RBMS1: variants seen among roughly 807,000 people sequenced by gnomAD.
RBMS1 encodes RNA-binding motif, single-stranded-interacting protein 1.
A neutral mutation model predicts 62.3 loss-of-function variants in RBMS1; 17 were observed. The observed-to-expected ratio is 0.27, with a 90% CI of 0.19 to 0.41. RBMS1 has a LOEUF of 0.41. RBMS1 is among the 10% of genes least tolerant of loss of function. RBMS1 has a pLI of 1.00. For missense variants in RBMS1, 334 were observed against 504.5 expected, an observed-to-expected ratio of 0.66 and a Z score of 3.24; for synonymous variants, 172 against 170.0, an observed-to-expected ratio of 1.01 and a Z score of -0.09.
intron 4 of RBMS1, among the ~76,000 whole-genome samples, chr2:160,308,641 T>A (rs1027304846): frequency 2.0e-5 from 3 of 152,066 alleles, no homozygotes; most frequent in Non-Finnish European, 2.9e-5. Flanking sequence ...CTAAAGAAAT[T>A]CACAATATGC....
chr2:160,459,833 G>A (rs1018638483), intron 1 of RBMS1, among the ~76,000 whole-genome samples: 1 of 152,118 alleles, frequency 6.6e-6, no homozygotes, highest in African/African-American at 2.4e-5. Flanking sequence ...CTTTCTAAGA[G>A]ATCAGTTCAT....
intron 1 of RBMS1, among the ~76,000 whole-genome samples, chr2:160,457,777 C>A (rs1460161103): frequency 6.6e-6 from 1 of 151,490 alleles, no homozygotes; most frequent in African/African-American, 2.4e-5. Flanking sequence ...CTAACAGGTG[C>A]CAGCTTGAAA....
At chr2:160,487,867 A>AT (rs1372703130) in intron 1 of RBMS1, among the ~76,000 whole-genome samples, 3 of 152,120 alleles carry the variant, frequency 2.0e-5, no homozygotes, top group South Asian at 2.1e-4. Context: ...TCAGATGTTG[A>AT]TTTTTTCTCT....
chr2:160,412,575 A>G (rs1696077066), intron 1 of RBMS1, among the ~76,000 whole-genome samples: 3 of 152,240 alleles, frequency 2.0e-5, no homozygotes, highest in Non-Finnish European at 2.9e-5. Flanking sequence ...CTAGGTGAGT[A>G]CTTGTAAACC....
chr2:160,364,250 T>C (rs79793936), intron 2 of RBMS1, among the ~76,000 whole-genome samples: 14,709 of 152,260 alleles, frequency 0.097, 980 homozygotes, highest in East Asian at 0.26. Context: ...ACTGTACTGA[T>C]ATCTTCTTTG....
intron 1 of RBMS1, among the ~76,000 whole-genome samples, chr2:160,421,091 C>T (rs1343018844): frequency 2.0e-5 from 3 of 152,120 alleles, no homozygotes; most frequent in East Asian, 3.9e-4. Context: ...TCCTTTTCCT[C>T]TTCAAGGTAC....
intron 1 of RBMS1, among the ~76,000 whole-genome samples, chr2:160,374,637 TA>T (rs376878650): frequency 1.4e-4 from 21 of 151,936 alleles, no homozygotes; most frequent in African/African-American, 4.1e-4. Flanking sequence ...ACAATAATAA[TA>T]AAAAAAATTG....
At chr2:160,439,091 C>T (rs1683265796) in intron 1 of RBMS1, among the ~76,000 whole-genome samples, 1 of 150,824 alleles carries the variant, frequency 6.6e-6, no homozygotes, top group Non-Finnish European at 1.5e-5. Flanking sequence ...GTAGGGGCGG[C>T]CGGGCAGAGG....
chr2:160,331,539 G>A (rs1048014564), intron 2 of RBMS1, among the ~76,000 whole-genome samples: 2 of 152,164 alleles, frequency 1.3e-5, no homozygotes, highest in East Asian at 1.9e-4. Flanking sequence ...CGTATATGAG[G>A]CCTCAGCATA....
chr2:160,322,329 A>C (rs1192024109), intron 2 of RBMS1, among the ~76,000 whole-genome samples: 1 of 152,232 alleles, frequency 6.6e-6, no homozygotes, highest in Admixed American at 6.5e-5. Flanking sequence ...AAGAAGGGTA[A>C]TGGAAGGTCT....
At position 160,389,741 on chromosome 2, in the gene RBMS1, T is replaced by A. The variant is rs111646861; in HGVS notation, c.76-22350A>T. On this transcript the variant is annotated intron_variant, in intron 1 of 13. Coordinates refer to ENST00000348849, the MANE Select transcript of RBMS1 (RefSeq NM_016836.4). The stretch of plus-strand genomic sequence containing the variant: ...AAAAAAAAAAAAAGGCAAAAAACCC[T>A]CAGTAATTAACCAACAATCACATAA... Among the ~76,000 whole-genome samples, 654 of 119,240 alleles carry A rather than the reference T, an allele frequency of 5.5e-3. 3 individuals carry two copies. The highest frequency in any genetic ancestry group is 0.018 in the African/African-American group (580 of 31,446). 78.2% of individuals were successfully genotyped at this position (119,240 alleles called of 152,430 possible).
chr2:160,286,520 A>G (rs1241517742), intron 7 of RBMS1, among the ~76,000 whole-genome samples: 1 of 151,886 alleles, frequency 6.6e-6, no homozygotes, highest in Non-Finnish European at 1.5e-5. Flanking sequence ...GGGTTTCGCC[A>G]TGTTGGCCAG....
chr2:160,395,941 G>C (rs770499052), intron 1 of RBMS1, among the ~76,000 whole-genome samples: 4 of 152,086 alleles, frequency 2.6e-5, no homozygotes, highest in Non-Finnish European at 5.9e-5. Context: ...TGACCTGTTA[G>C]GAGACACCCC....
Position 160,341,157 on chromosome 2 carries a change from C to A in RBMS1, c.252-22930G>T, listed in dbSNP as rs1422241405. On this transcript the variant is annotated intron_variant, in intron 2 of 13. Coordinates refer to ENST00000348849, the MANE Select transcript of RBMS1 (RefSeq NM_016836.4). The stretch of plus-strand genomic sequence containing the variant: ...ATGTTGGCTCTGTAAGTATTAAATC[C>A]TTTTTACTTAATCATATAATGAAAA... 6.6e-5 allele frequency among the ~76,000 whole-genome samples: 10 copies of A among 152,106 alleles called. No homozygotes were observed. The East Asian group carries it at 1.9e-3, about 29-fold the overall frequency.
chr2:160,303,906 G>A (rs1689348577), intron 4 of RBMS1, among the ~76,000 whole-genome samples: 1 of 152,082 alleles, frequency 6.6e-6, no homozygotes, highest in South Asian at 2.1e-4. Flanking sequence ...GAAGGATTCT[G>A]GACCAAGTCA....
At chr2:160,419,683 A>G (rs1696342087) in intron 1 of RBMS1, among the ~76,000 whole-genome samples, 2 of 152,254 alleles carry the variant, frequency 1.3e-5, no homozygotes. Context: ...CAGACAACAA[A>G]AGTAAACTGA....
chr2:160,470,013 G>C (rs1684854426), intron 1 of RBMS1, among the ~76,000 whole-genome samples: 1 of 152,182 alleles, frequency 6.6e-6, no homozygotes, highest in Non-Finnish European at 1.5e-5. Flanking sequence ...CCAGAGCCAA[G>C]ACAGTAAAAC....
chr2:160,475,007 G>C (rs900239370), intron 1 of RBMS1, among the ~76,000 whole-genome samples: 1 of 152,038 alleles, frequency 6.6e-6, no homozygotes, highest in Non-Finnish European at 1.5e-5. Context: ...GATTTCTGAA[G>C]ACAGCCTAAA....
intron 1 of RBMS1, among the ~76,000 whole-genome samples, chr2:160,375,076 T>C (rs759327002): frequency 1.3e-5 from 2 of 152,178 alleles, no homozygotes; most frequent in Non-Finnish European, 2.9e-5. Context: ...GCCTGGATGA[T>C]TTCTAAGCTT....
Sources: gnomAD v4.1 joint callset for allele counts (sites outside exome capture counted in the v4.1 genomes callset) on GRCh38, gnomAD v4.1.1 for gene constraint, MANE v1.5 for transcripts, NCBI Gene and HGNC (gene_info 2026-07-23, HGNC 2026-07-21) for gene names.